ERCC6L2: variants seen among roughly 807,000 people sequenced by gnomAD.
ERCC6L2 encodes the protein DNA excision repair protein ERCC-6-like 2.
Under a neutral mutation model 132.0 loss-of-function variants are expected in ERCC6L2, and 77 were observed. The observed-to-expected ratio is 0.58, with a 90% CI of 0.49 to 0.71. The LOEUF (loss-of-function observed/expected upper bound fraction) is 0.71, where lower values mean the gene tolerates loss of function less well. ERCC6L2 is among the 30% of genes least tolerant of loss of function. The probability of loss-of-function intolerance (pLI) is 0.00; values close to 1 mark genes in which losing one functional copy is unlikely to be tolerated. For synonymous variants in ERCC6L2, 583 were observed against 632.4 expected (o/e 0.92, Z 1.17); for missense variants, 1,542 against 1,837.6 (o/e 0.84, Z 2.94).
intron 11 of ERCC6L2, among the ~76,000 whole-genome samples, chr9:95,935,440 C>T (rs777687607): frequency 6.6e-6 from 1 of 152,122 alleles, no homozygotes; most frequent in Non-Finnish European, 1.5e-5. Context: ...TAAGTATCCA[C>T]TCTGTGACAG....
chr9:95,907,857 C>CACACACACAAACACACACACACACACACA lies in ERCC6L2; in HGVS notation c.788+586_788+587insACACACACAAACACACACACACACACACA. ...CACACACACACACACACACACACAC[C>CACACACACAAACACACACACACACACACA]CCCACACCCACACACCCACTGTAGC... On this transcript the variant is annotated intron_variant, in intron 4 of 18. Coordinates refer to ENST00000653738, the MANE Select transcript of ERCC6L2 (RefSeq NM_020207.7). 3.8e-3 allele frequency among the ~76,000 whole-genome samples: 507 copies of CACACACACAAACACACACACACACACACA among 133,800 alleles called. 1 individual carries two copies. The highest frequency in any genetic ancestry group is 5.0e-3 in the Non-Finnish European group (309 of 62,174). The allele number at this position is 133,800 out of a possible 152,430, so 87.8% of individuals were successfully genotyped here. A position where few individuals can be genotyped will look rare whatever the true frequency, so the allele number is the denominator to read the frequency against.
intron 11 of ERCC6L2, among the ~76,000 whole-genome samples, chr9:95,931,419 T>C (rs993143790): frequency 2.6e-5 from 4 of 152,232 alleles, no homozygotes; most frequent in Non-Finnish European, 5.9e-5. Context: ...CTCTTCTGTG[T>C]TGGATCTTTT....
chr9:95,875,947 G>C lies in ERCC6L2; in HGVS notation c.-92G>C. 7.1e-7 allele frequency: 1 copy of C among 1,399,214 alleles called. No homozygotes were observed. The highest frequency in any genetic ancestry group is 9.8e-7 in the Non-Finnish European group (1 of 1,021,230). 86.7% of individuals were successfully genotyped at this position (1,399,214 alleles called of 1,614,324 possible). Reference sequence around the variant, plus strand: ...CGGAGGGCGGCCGGAAGTGGCGTTGGCCGCCATTGGCCTGCCGGCCAGCCA... The same window carrying C: ...CGGAGGGCGGCCGGAAGTGGCGTTGCCCGCCATTGGCCTGCCGGCCAGCCA... On this transcript the variant is annotated 5_prime_UTR_variant, in exon 1 of 19. Transcript: ENST00000653738.
intron 10 of ERCC6L2, 136 bp downstream of exon 10, chr9:95,928,286 C>T (rs1295145536): frequency 1.9e-5 from 10 of 517,188 alleles, no homozygotes; most frequent in African/African-American, 3.9e-5. Flanking sequence ...AGGTAAGCAA[C>T]TTGAAGTTTT....
At chr9:95,911,933 C>T (rs1829359208) in intron 4 of ERCC6L2, among the ~76,000 whole-genome samples, 1 of 152,122 alleles carries the variant, frequency 6.6e-6, no homozygotes, top group Non-Finnish European at 1.5e-5. Flanking sequence ...TATGCTGCAA[C>T]TTTTCAATTT....
intron 11 of ERCC6L2, among the ~76,000 whole-genome samples, chr9:95,939,712 C>T (rs1830712344): frequency 1.3e-5 from 2 of 152,096 alleles, no homozygotes; most frequent in African/African-American, 4.8e-5. Context: ...TTGTTTCAAG[C>T]ATGTTTGTAA....
chr9:96,008,695 G>T (rs1833937246), intron 18 of ERCC6L2, among the ~76,000 whole-genome samples: 2 of 152,162 alleles, frequency 1.3e-5, no homozygotes, highest in South Asian at 4.1e-4. Context: ...ACTTATGAAG[G>T]CACACCCAGT....
intron 3 of ERCC6L2, among the ~76,000 whole-genome samples, chr9:95,901,758 G>A (rs550784616): frequency 5.8e-4 from 88 of 152,242 alleles, no homozygotes; most frequent in African/African-American, 2.0e-3. Context: ...TGTTTCATTG[G>A]CATCAATACA....
At position 96,013,976 on chromosome 9, in the gene ERCC6L2, T is replaced by G. The variant is rs1588058437; in HGVS notation, c.*773T>G. 1 of 152,352 alleles carries G rather than the reference T, an allele frequency of 6.6e-6. No individual in the cohort carries two copies. Among genetic ancestry groups the G allele is most frequent in the Middle Eastern group, 3.4e-3 (1 of 294 alleles). The allele number at this position is 152,352 out of a possible 1,614,324, so 9.4% of individuals were successfully genotyped here. A position where few individuals can be genotyped will look rare whatever the true frequency, so the allele number is the denominator to read the frequency against. On this transcript the variant is annotated 3_prime_UTR_variant, in exon 19 of 19. Transcript: ENST00000653738. ...ATGAAGAAATGGGTAAACTTTTTAT[T>G]TTGTTAGAAACTGTTATATTTTGAG...
At chr9:96,035,271 G>A (rs1481881822) in intron 19 of ERCC6L2, among the ~76,000 whole-genome samples, 1 of 152,142 alleles carries the variant, frequency 6.6e-6, no homozygotes, top group African/African-American at 2.4e-5. Context: ...GCCAGGGAAT[G>A]CCTGAAGGCT....
At chr9:96,030,626 C>T (rs1184923738) in intron 19 of ERCC6L2, among the ~76,000 whole-genome samples, 2 of 143,346 alleles carry the variant, frequency 1.4e-5, no homozygotes, top group Non-Finnish European at 3.0e-5. Context: ...GGTGTGAGCC[C>T]GGGAGGCGGA....
At chr9:95,985,715 G>A (rs776677254) in intron 17 of ERCC6L2, among the ~76,000 whole-genome samples, 3 of 151,978 alleles carry the variant, frequency 2.0e-5, no homozygotes, top group South Asian at 2.1e-4. Flanking sequence ...CGTAGTATAC[G>A]AGGCCTGTCT....
At chr9:96,039,978 G>T (rs945428582) in intron 20 of ERCC6L2, among the ~76,000 whole-genome samples, 7 of 152,024 alleles carry the variant, frequency 4.6e-5, no homozygotes, top group African/African-American at 1.4e-4. Context: ...CAGCACTTTG[G>T]GAGGTTGAGG....
intron 13 of ERCC6L2, among the ~76,000 whole-genome samples, chr9:95,957,849 GAAAA>G (rs1189277227): frequency 6.7e-6 from 1 of 148,880 alleles, no homozygotes; most frequent in Non-Finnish European, 1.5e-5. Context: ...ATCTTTTGGG[GAAAA>G]AAAATCCAAA....
At chr9:95,929,161 A>G (rs972310041) in intron 11 of ERCC6L2, 2 of 196,284 alleles carry the variant, frequency 1.0e-5, no homozygotes, top group African/African-American at 2.4e-5. Flanking sequence ...TCCTGGTGAG[A>G]ATAATCAGAC....
Position 95,927,963 on chromosome 9 carries a change from A to G in ERCC6L2, c.1534-116A>G, listed in dbSNP as rs557804370. On this transcript the variant is annotated intron_variant, in intron 9 of 18. Transcript: ENST00000653738. ...AAAATGAAAGGAATTAGAAAAAATG[A>G]ATGAGGTTAGTATTGTATGAAAATA... 1.1e-5 allele frequency: 7 copies of G among 615,100 alleles called. No homozygotes were observed. In the South Asian group the frequency reaches 2.0e-4, roughly 17 times the overall value. 38.1% of individuals were successfully genotyped at this position (615,100 alleles called of 1,614,324 possible).
chr9:95,897,246 A>T (rs1345777474), intron 2 of ERCC6L2, among the ~76,000 whole-genome samples: 2 of 152,202 alleles, frequency 1.3e-5, no homozygotes, highest in African/African-American at 4.8e-5. Flanking sequence ...CAGAGCTAAC[A>T]TTTGAATCAA....
At chr9:95,951,492 G>GAGGCAA (rs1160323439) in intron 12 of ERCC6L2, among the ~76,000 whole-genome samples, 1 of 152,116 alleles carries the variant, frequency 6.6e-6, no homozygotes, top group Non-Finnish European at 1.5e-5. Flanking sequence ...AAAAACGACA[G>GAGGCAA]AGGCAATCAA....
At chr9:95,970,027 A>G (rs1832341666) in intron 14 of ERCC6L2, among the ~76,000 whole-genome samples, 1 of 152,198 alleles carries the variant, frequency 6.6e-6, no homozygotes, top group Non-Finnish European at 1.5e-5. Context: ...AAAGATAGCA[A>G]GCCTGTTATA....
Sources: gnomAD v4.1 joint callset for allele counts (sites outside exome capture counted in the v4.1 genomes callset) on GRCh38, gnomAD v4.1.1 for gene constraint, MANE v1.5 for transcripts, NCBI Gene and HGNC (gene_info 2026-07-23, HGNC 2026-07-21) for gene names.